The following MAL2 variants were observed in gnomAD, a reference collection of about 807,000 sequenced individuals.
The protein encoded by MAL2 is mal, T cell differentiation protein 2.
In MAL2, 17 loss-of-function variants were observed where a neutral mutation model predicts 18.1. That is an observed-to-expected ratio of 0.94 (90% CI 0.64 to 1.41). MAL2 has a LOEUF of 1.41. Ranked by LOEUF, MAL2 falls within the 40% of genes most tolerant of loss-of-function variation. The pLI is 0.00. For synonymous variants in MAL2, 102 were observed against 102.3 expected (o/e 1.00, Z 0.02); for missense variants, 222 against 231.9 (o/e 0.96, Z 0.28).
intron 3 of MAL2, 105 bp from the exon 4 acceptor site, chr8:119,243,312 T>A: frequency 1.5e-6 from 1 of 687,504 alleles, no homozygotes; most frequent in Non-Finnish European, 2.2e-6. Flanking sequence ...TGTCGAAGTA[T>A]CTTTAGGTAG....
Position 119,243,577 on chromosome 8 carries a change from A to G in MAL2, c.*89A>G. The G allele has an allele frequency of 8.7e-7, 1 of 1,150,708 alleles. No homozygotes were observed. The highest frequency in any genetic ancestry group is 1.2e-6 in the Non-Finnish European group (1 of 832,732). The allele number at this position is 1,150,708 out of a possible 1,614,324, so 71.3% of individuals were successfully genotyped here. A position where few individuals can be genotyped will look rare whatever the true frequency, so the allele number is the denominator to read the frequency against. On this transcript the variant is annotated 3_prime_UTR_variant, in exon 4 of 4. Coordinates refer to ENST00000614891, the MANE Select transcript of MAL2 (RefSeq NM_052886.3). ...TTGGATACCATTTTGTCCAGATGCAAAAACATTCCAAAAGTAATGTGTTTA... is the reference window on the plus strand; with the variant it reads ...TTGGATACCATTTTGTCCAGATGCAGAAACATTCCAAAAGTAATGTGTTTA...
At chr8:119,225,950 C>T (rs1396889806) in intron 2 of MAL2, among the ~76,000 whole-genome samples, 1 of 152,142 alleles carries the variant, frequency 6.6e-6, no homozygotes, top group Non-Finnish European at 1.5e-5. Flanking sequence ...ATCCTTCACC[C>T]ACTTTTTGAT....
chr8:119,224,902 T>C (rs899640417), intron 2 of MAL2, among the ~76,000 whole-genome samples: 2 of 152,224 alleles, frequency 1.3e-5, no homozygotes, highest in African/African-American at 4.8e-5. Flanking sequence ...TGGCCCCATA[T>C]TCATTTGCTT....
chr8:119,212,196 C>G (rs1817277360), intron 1 of MAL2, among the ~76,000 whole-genome samples: 1 of 152,182 alleles, frequency 6.6e-6, no homozygotes, highest in Non-Finnish European at 1.5e-5. Context: ...TCCCTGCTCT[C>G]AATGAGCTTA....
In MAL2 at chr8:119,208,678, T is replaced by A; in HGVS notation, c.132+74T>A. On this transcript the variant is annotated intron_variant, in intron 1 of 3. Transcript: ENST00000614891. This position sits in a 1 kb window ranked among gnomAD's most constrained non-coding sequence, Gnocchi z 4.3. ...GGCGGCATCCTTGTCCCCCGGGCTG[T>A]CTTCCTCTGCGTCCGCCCCCGGCCT... The A allele has an allele frequency of 8.2e-7, 1 of 1,226,288 alleles. No homozygotes were observed. Among genetic ancestry groups the A allele is most frequent in the Middle Eastern group, 2.6e-4 (1 of 3,914 alleles). The allele number at this position is 1,226,288 out of a possible 1,614,324, so 76.0% of individuals were successfully genotyped here. A position where few individuals can be genotyped will look rare whatever the true frequency, so the allele number is the denominator to read the frequency against.
intron 1 of MAL2, among the ~76,000 whole-genome samples, chr8:119,213,378 T>C (rs2129774667): frequency 9.0e-5 from 1 of 11,086 alleles, no homozygotes; most frequent in Non-Finnish European, 2.7e-4. Flanking sequence ...GTTTATTGCC[T>C]GGAAAATGTT....
rs1818097897 is a variant in MAL2, at chr8:119,243,761, T to C, written c.*273T>C. 6.7e-6 allele frequency: 2 copies of C among 298,490 alleles called. No homozygotes were observed. Among genetic ancestry groups the C allele is most frequent in the Non-Finnish European group, 1.2e-5 (2 of 163,418 alleles). 18.5% of individuals were successfully genotyped at this position (298,490 alleles called of 1,614,324 possible). A position where few individuals can be genotyped will look rare whatever the true frequency, so the allele number is the denominator to read the frequency against. On this transcript the variant is annotated 3_prime_UTR_variant, in exon 4 of 4. Transcript: ENST00000614891. ...TTCTTTCTGAAAGTTTCCTTTTATG[T>C]CCATAAAATACAAATATATTGTTCA...
intron 3 of MAL2, 116 bp from the exon 4 acceptor site, chr8:119,243,301 G>T: frequency 1.7e-6 from 1 of 574,576 alleles, no homozygotes; most frequent in Admixed American, 4.0e-5. Flanking sequence ...ATTTTTGTAA[G>T]TGTCGAAGTA....
chr8:119,233,524 A>G (rs552153234), intron 2 of MAL2, among the ~76,000 whole-genome samples: 4 of 152,282 alleles, frequency 2.6e-5, no homozygotes, highest in African/African-American at 7.2e-5. Context: ...AATACAAACT[A>G]CCATCAGAGA....
At chr8:119,222,876 A>T (rs1009905320) in intron 2 of MAL2, among the ~76,000 whole-genome samples, 3 of 151,988 alleles carry the variant, frequency 2.0e-5, no homozygotes, top group Non-Finnish European at 2.9e-5. Flanking sequence ...TTTTAAAATT[A>T]TGACACCATT....
At position 119,208,778 on chromosome 8, in the gene MAL2, C is replaced by T. The variant is rs1817226055; in HGVS notation, c.132+174C>T. On this transcript the variant is annotated intron_variant, in intron 1 of 3. Coordinates refer to ENST00000614891, the MANE Select transcript of MAL2 (RefSeq NM_052886.3). The surrounding 1 kb of genome is among the most constrained non-coding windows in gnomAD (Gnocchi z 4.3). The stretch of plus-strand genomic sequence containing the variant: ...GGTGCCCCGCGCCGCCGCCCGGGCC[C>T]TCCCTCCTAGCACCTGTTACGCGGG... The T allele has an allele frequency of 1.9e-6, 2 of 1,054,310 alleles. No individual in the cohort carries two copies. Among genetic ancestry groups the T allele is most frequent in the Non-Finnish European group, 2.4e-6 (2 of 830,406 alleles). The allele number at this position is 1,054,310 out of a possible 1,614,324, so 65.3% of individuals were successfully genotyped here.
At chr8:119,239,306 A>G (rs939709203) in intron 2 of MAL2, among the ~76,000 whole-genome samples, 1 of 152,004 alleles carries the variant, frequency 6.6e-6, no homozygotes, top group Non-Finnish European at 1.5e-5. Flanking sequence ...GAGAAATAGG[A>G]ACACCTTTAC....
At position 119,236,007 on chromosome 8, in the gene MAL2, TAAAG is replaced by T. The variant is rs529669383; in HGVS notation, c.304-4156_304-4153del. ...AAAAGACACAGACTGGCAAATTGGA[TAAAG>T]AGTCAAGACCCATCAGTGTGCTGTA... On this transcript the variant is annotated intron_variant, in intron 2 of 3. Transcript: ENST00000614891. Among the ~76,000 whole-genome samples the T allele has an allele frequency of 6.1e-3, 393 of 64,054 alleles. 7 individuals carry two copies. Among genetic ancestry groups the T allele is most frequent in the African/African-American group, 0.025 (348 of 14,074 alleles). 42.0% of individuals were successfully genotyped at this position (64,054 alleles called of 152,430 possible). A position where few individuals can be genotyped will look rare whatever the true frequency, so the allele number is the denominator to read the frequency against.
chr8:119,232,070 CAAAA>C (rs200938995), intron 2 of MAL2, among the ~76,000 whole-genome samples: 2 of 150,262 alleles, frequency 1.3e-5, no homozygotes, highest in Non-Finnish European at 3.0e-5. Context: ...GTTCTCACCA[CAAAA>C]AAAAGATAAT....
At chr8:119,220,418 C>A (rs1563770244) in intron 1 of MAL2, among the ~76,000 whole-genome samples, 1 of 152,214 alleles carries the variant, frequency 6.6e-6, no homozygotes, top group African/African-American at 2.4e-5. Flanking sequence ...CTGAGAAACA[C>A]AGAGATGTGC....
intron 2 of MAL2, chr8:119,224,325 A>G (rs1817536138): frequency 6.6e-6 from 1 of 152,110 alleles, no homozygotes; most frequent in African/African-American, 2.4e-5. Flanking sequence ...GGAGAGGAAA[A>G]AATACCATTT....
chr8:119,211,538 A>G (rs1475500971), intron 1 of MAL2, among the ~76,000 whole-genome samples: 1 of 152,114 alleles, frequency 6.6e-6, no homozygotes, highest in African/African-American at 2.4e-5. Context: ...TTCATTCCCA[A>G]TTCCCCTTAA....
At chr8:119,232,022 T>TATTA (rs1156640785) in intron 2 of MAL2, among the ~76,000 whole-genome samples, 1 of 152,138 alleles carries the variant, frequency 6.6e-6, no homozygotes, top group Non-Finnish European at 1.5e-5. Flanking sequence ...AATAACAGTG[T>TATTA]ATTATATTCT....
intron 2 of MAL2, among the ~76,000 whole-genome samples, chr8:119,233,362 C>T (rs376343765): frequency 2.0e-5 from 3 of 151,596 alleles, no homozygotes; most frequent in African/African-American, 7.3e-5. Flanking sequence ...CACAAAAAAC[C>T]CTCTAAAAAA....
Sources: allele counts gnomAD v4.1 joint callset (sites outside exome capture counted in the v4.1 genomes callset), GRCh38; gene constraint gnomAD v4.1.1; non-coding constraint Gnocchi (gnomAD v3.1); transcripts MANE v1.5; gene names NCBI Gene and HGNC (gene_info 2026-07-23, HGNC 2026-07-21).